The following DCC variants were observed in gnomAD, a reference collection of about 807,000 sequenced individuals.
The protein encoded by DCC is netrin receptor DCC.
DCC carries 58 observed loss-of-function variants against 172.5 expected under a neutral mutation model. The ratio of observed to expected loss-of-function variants is 0.34; its 90% confidence interval spans 0.27 to 0.42. The LOEUF (loss-of-function observed/expected upper bound fraction) is 0.42. DCC is among the 10% of genes least tolerant of loss of function. The probability of loss-of-function intolerance (pLI) is 1.00; values close to 1 mark genes in which losing one functional copy is unlikely to be tolerated. For missense variants in DCC, 1,740 were observed against 1,791.0 expected (o/e 0.97, Z 0.51); for synonymous variants, 709 against 644.5 (o/e 1.10, Z -1.52).
rs1360558819 is a variant in DCC, at chr18:53,215,579, G to C, written c.1893G>C (p.Leu631=). Residue 631 remains leucine, a synonymous_variant, in exon 12 of 29, where the codon CTG becomes CTC. Transcript: ENST00000442544. ...VPSAPPQNVS[L]EVVNSRSIKV... is the part of the protein sequence containing the mutation. The stretch of plus-strand genomic sequence containing the variant: ...GTGCCCCGCCTCAGAACGTCTCCCT[G>C]GAAGTGGTCAATTCAAGAGTAAGTT... 4.3e-6 allele frequency: 7 copies of C among 1,613,710 alleles called. No homozygotes were observed. The highest frequency in any genetic ancestry group is 5.9e-6 in the Non-Finnish European group (7 of 1,179,716).
chr18:52,656,270 T>C (rs746048423), intron 1 of DCC, among the ~76,000 whole-genome samples: 6 of 152,084 alleles, frequency 3.9e-5, no homozygotes, highest in Admixed American at 6.6e-5. Flanking sequence ...ACAGTCTTCA[T>C]GAATATGATT....
chr18:53,464,979 C>CAAAAAAAAAAAAAAAAAAAAAA (rs71179510), intron 24 of DCC, among the ~76,000 whole-genome samples: 2 of 54,842 alleles, frequency 3.6e-5, no homozygotes, highest in Admixed American at 2.3e-4. Flanking sequence ...AACTCAATCT[C>CAAAAAAAAAAAAAAAAAAAAAA]AAAAAAAAAA....
chr18:52,941,484 G>T (rs1472876369), intron 5 of DCC, among the ~76,000 whole-genome samples: 1 of 122,474 alleles, frequency 8.2e-6, no homozygotes, highest in African/African-American at 3.1e-5. Context: ...ATATATACAT[G>T]TTTGTGTGTG....
intron 1 of DCC, among the ~76,000 whole-genome samples, chr18:52,583,219 C>T (rs1005487003): frequency 5.3e-5 from 8 of 152,030 alleles, no homozygotes; most frequent in African/African-American, 1.9e-4. Flanking sequence ...CAAAAGCTAG[C>T]GTAAGATAGG....
At chr18:52,612,848 G>A (rs1487883613) in intron 1 of DCC, among the ~76,000 whole-genome samples, 1 of 152,132 alleles carries the variant, frequency 6.6e-6, no homozygotes, top group Non-Finnish European at 1.5e-5. Context: ...TGTCTGAATG[G>A]TTGACCAGCT....
intron 12 of DCC, among the ~76,000 whole-genome samples, chr18:53,219,489 A>G (rs1470903886): frequency 6.6e-6 from 1 of 152,156 alleles, no homozygotes; most frequent in Non-Finnish European, 1.5e-5. Flanking sequence ...ATTATGAGGC[A>G]TAGATCATTG....
At chr18:52,944,462 T>C (rs2145531748) in intron 5 of DCC, among the ~76,000 whole-genome samples, 1 of 152,320 alleles carries the variant, frequency 6.6e-6, no homozygotes, top group Admixed American at 6.5e-5. Context: ...GCACAATATT[T>C]GTCCGAAGAA....
chr18:52,837,948 A>G lies in DCC; in HGVS notation c.413-68096A>G, dbSNP rs114632697. ...CATCCTTCTTCACATGGTGGCAGGA[A>G]GGAAAAAAATGAATGCCCAGTGAAG... is the stretch of plus-strand genomic sequence containing the variant. On this transcript the variant is annotated intron_variant, in intron 2 of 28. Coordinates refer to ENST00000442544, the MANE Select transcript of DCC (RefSeq NM_005215.4). Among the ~76,000 whole-genome samples, 1,483 of 152,262 alleles carry G rather than the reference A, an allele frequency of 9.7e-3. 30 individuals are homozygous for G. The highest frequency in any genetic ancestry group is 0.033 in the African/African-American group (1,376 of 41,550).
chr18:52,939,546 T>A (rs1055704162), intron 5 of DCC, among the ~76,000 whole-genome samples: 1 of 152,230 alleles, frequency 6.6e-6, no homozygotes, highest in African/African-American at 2.4e-5. Flanking sequence ...TTTGTTACCA[T>A]CATCATCCAC....
chr18:52,761,466 C>T (rs62081910), intron 2 of DCC, among the ~76,000 whole-genome samples: 15,116 of 152,124 alleles, frequency 0.099, 958 homozygotes, highest in Middle Eastern at 0.22. Context: ...CATGAAAGAG[C>T]GAGATAATTT....
chr18:52,963,182 A>G (rs1220521986), intron 5 of DCC, among the ~76,000 whole-genome samples: 1 of 151,844 alleles, frequency 6.6e-6, no homozygotes, highest in Non-Finnish European at 1.5e-5. Context: ...GACAGCTCTC[A>G]ATTCCATTTT....
At chr18:53,083,421 T>C (rs768714480) in intron 7 of DCC, among the ~76,000 whole-genome samples, 27 of 152,148 alleles carry the variant, frequency 1.8e-4, no homozygotes, top group Non-Finnish European at 2.5e-4. Context: ...CTGTATGTTG[T>C]CAGTTTCCCC....
At chr18:52,481,979 T>C (rs1473967954) in intron 1 of DCC, among the ~76,000 whole-genome samples, 2 of 152,174 alleles carry the variant, frequency 1.3e-5, no homozygotes, top group Non-Finnish European at 2.9e-5. Context: ...TGATATTTCC[T>C]ACCATATCAC....
intron 1 of DCC, among the ~76,000 whole-genome samples, chr18:52,674,723 C>G (rs1264991910): frequency 6.6e-6 from 1 of 152,216 alleles, no homozygotes; most frequent in African/African-American, 2.4e-5. Flanking sequence ...TTAGTACCAT[C>G]TCCACTGTAG....
chr18:53,157,154 A>G (rs1451158478), intron 7 of DCC, among the ~76,000 whole-genome samples: 1 of 152,216 alleles, frequency 6.6e-6, no homozygotes, highest in African/African-American at 2.4e-5. Flanking sequence ...TATACATGTC[A>G]TTAGCCACAC....
Position 53,530,632 on chromosome 18 carries a change from C to A in DCC, c.4323C>A (p.Ala1441=). ...SLEGLMKQLN[A]ITGSAF The stretch of plus-strand genomic sequence containing the variant: ...AAGGACTCATGAAGCAGCTTAATGC[C>A]ATCACAGGCTCAGCCTTTTAACATG... Residue 1441 remains alanine, a synonymous_variant, in exon 29 of 29, where the codon GCC becomes GCA. Transcript: ENST00000442544. The A allele has an allele frequency of 6.3e-7, 1 of 1,595,136 alleles. No homozygotes were observed. The highest frequency in any genetic ancestry group is 1.3e-5 in the African/African-American group (1 of 74,576).
intron 21 of DCC, among the ~76,000 whole-genome samples, chr18:53,430,045 C>T (rs918148136): frequency 7.2e-5 from 11 of 152,058 alleles, no homozygotes; most frequent in Non-Finnish European, 1.5e-4. Flanking sequence ...GACAAATCAC[C>T]TACTTTAAAT....
At chr18:52,520,728 A>ATTTT (rs35721153) in intron 1 of DCC, among the ~76,000 whole-genome samples, 4 of 150,228 alleles carry the variant, frequency 2.7e-5, no homozygotes, top group Admixed American at 6.6e-5. Context: ...TTAGGCAATG[A>ATTTT]TTTTTTTTTT....
At chr18:53,243,026 A>G (rs2056321419) in intron 12 of DCC, among the ~76,000 whole-genome samples, 1 of 152,138 alleles carries the variant, frequency 6.6e-6, no homozygotes, top group African/African-American at 2.4e-5. Flanking sequence ...TTGTCTGATT[A>G]TGATTCAAGA....
Sources: allele counts gnomAD v4.1 joint callset (sites outside exome capture counted in the v4.1 genomes callset), GRCh38; gene constraint gnomAD v4.1.1; transcripts MANE v1.5; gene names NCBI Gene and HGNC (gene_info 2026-07-23, HGNC 2026-07-21).